Variants in SBF2 observed in about 807,000 individuals in gnomAD.
The protein encoded by SBF2 is SET binding factor 2, also known as myotubularin-related protein 13.
In SBF2, 112 loss-of-function variants were observed where a neutral mutation model predicts 225.2. The ratio of observed to expected loss-of-function variants is 0.50; its 90% CI spans 0.43 to 0.58. The LOEUF (loss-of-function observed/expected upper bound fraction) is 0.58. Ranked by LOEUF, SBF2 falls within the 20% of genes least tolerant of loss-of-function variation. The probability of loss-of-function intolerance (pLI) is 0.00; values close to 1 mark genes in which losing one functional copy is unlikely to be tolerated. For missense variants in SBF2, 1,996 were observed against 2,206.2 expected (o/e 0.90, Z 1.91); for synonymous variants, 763 against 773.3 (o/e 0.99, Z 0.22).
chr11:10,243,007 C>G (rs1959380339), intron 1 of SBF2, among the ~76,000 whole-genome samples: 1 of 152,046 alleles, frequency 6.6e-6, no homozygotes, highest in African/African-American at 2.4e-5. Context: ...ATAAAACATT[C>G]CACCCAAAAG....
intron 1 of SBF2, among the ~76,000 whole-genome samples, chr11:10,194,511 C>T (rs1957293026): frequency 6.6e-6 from 1 of 152,096 alleles, no homozygotes; most frequent in South Asian, 2.1e-4. Context: ...AATCTCTATT[C>T]TATAAACACT....
chr11:10,087,597 G>C (rs570449110), intron 2 of SBF2, among the ~76,000 whole-genome samples: 1 of 152,192 alleles, frequency 6.6e-6, no homozygotes, highest in East Asian at 1.9e-4. Flanking sequence ...TGTTTAGACA[G>C]GTTTTATCAA....
chr11:10,180,916 C>T (rs1371936424), intron 2 of SBF2, among the ~76,000 whole-genome samples: 4 of 152,104 alleles, frequency 2.6e-5, no homozygotes, highest in African/African-American at 7.2e-5. Context: ...TTCATTAGAA[C>T]ACTGTGGCTG....
chr11:10,041,665 CTCT>C (rs938682234), intron 3 of SBF2, among the ~76,000 whole-genome samples: 36 of 152,252 alleles, frequency 2.4e-4, no homozygotes, highest in African/African-American at 7.9e-4. Context: ...GGTAATTTGT[CTCT>C]TCTTGTACTC....
intron 14 of SBF2, among the ~76,000 whole-genome samples, chr11:9,965,376 C>T (rs545630444): frequency 6.7e-6 from 1 of 149,958 alleles, no homozygotes; most frequent in Admixed American, 6.7e-5. Flanking sequence ...ATCTCGGCTG[C>T]CTCCCAGGTT....
At chr11:10,149,357 A>G (rs957847558) in intron 2 of SBF2, 4 of 152,098 alleles carry the variant, frequency 2.6e-5, no homozygotes, top group Non-Finnish European at 5.9e-5. Flanking sequence ...TTGAGAGTTT[A>G]AAAACAGTCA....
chr11:10,174,417 G>C (rs376795164), intron 2 of SBF2, among the ~76,000 whole-genome samples: 28 of 152,210 alleles, frequency 1.8e-4, no homozygotes, highest in East Asian at 5.8e-4. Flanking sequence ...ATCAGCGATG[G>C]AAGATGAAGT....
intron 33 of SBF2, among the ~76,000 whole-genome samples, chr11:9,793,363 T>C (rs369667275): frequency 1.3e-5 from 2 of 152,002 alleles, no homozygotes; most frequent in East Asian, 3.9e-4. Flanking sequence ...CTTGGCAGCA[T>C]AATGGGCTCA....
At position 9,861,663 on chromosome 11, in the gene SBF2, C is replaced by CAA. The variant is rs1193095357; in HGVS notation, c.1930-3269_1930-3268dup. Among the ~76,000 whole-genome samples the CAA allele has an allele frequency of 5.7e-3, 477 of 83,370 alleles. 4 individuals are homozygous for CAA. The highest frequency in any genetic ancestry group is 0.023 in the African/African-American group (454 of 19,382). 54.7% of individuals were successfully genotyped at this position (83,370 alleles called of 152,430 possible). On this transcript the variant is annotated intron_variant, in intron 17 of 39. Coordinates refer to ENST00000256190, the MANE Select transcript of SBF2 (RefSeq NM_030962.4). ...TAGGCAACAGAGTGAGACTCCATCT[C>CAA]AAAAAAAAAAAAAAAAAAAATGTTT...
chr11:9,851,513 G>A (rs1330474339), intron 21 of SBF2, among the ~76,000 whole-genome samples: 1 of 152,066 alleles, frequency 6.6e-6, no homozygotes, highest in Non-Finnish European at 1.5e-5. Context: ...AGGAAATTCT[G>A]ACTCAGTAAC....
At chr11:10,049,095 C>A (rs1949973323) in intron 2 of SBF2, among the ~76,000 whole-genome samples, 1 of 152,126 alleles carries the variant, frequency 6.6e-6, no homozygotes. Context: ...CCAAAAAAAT[C>A]AAATCACAAG....
At chr11:10,085,142 T>A (rs1171907311) in intron 2 of SBF2, among the ~76,000 whole-genome samples, 1 of 152,236 alleles carries the variant, frequency 6.6e-6, no homozygotes, top group African/African-American at 2.4e-5. Flanking sequence ...AATTCCCAGA[T>A]TAAGAAACAA....
chr11:9,967,969 C>A (rs35315883), intron 14 of SBF2, among the ~76,000 whole-genome samples: 3,483 of 86,368 alleles, frequency 0.04, 62 homozygotes, highest in African/African-American at 0.063. Flanking sequence ...CTCTCTCTCT[C>A]TCTATATATA....
intron 17 of SBF2, among the ~76,000 whole-genome samples, chr11:9,868,337 C>CAAAA (rs35348349): frequency 8.7e-4 from 23 of 26,374 alleles, no homozygotes; most frequent in African/African-American, 1.6e-3. Flanking sequence ...TACAAAAATA[C>CAAAA]AAAAAAAAAA....
intron 1 of SBF2, among the ~76,000 whole-genome samples, chr11:10,222,874 A>G (rs886136267): frequency 1.3e-5 from 2 of 152,208 alleles, no homozygotes; most frequent in African/African-American, 4.8e-5. Flanking sequence ...AACACTAGGC[A>G]TAAATGGATT....
chr11:10,077,318 G>A (rs1414779746), intron 2 of SBF2, among the ~76,000 whole-genome samples: 1 of 151,964 alleles, frequency 6.6e-6, no homozygotes, highest in African/African-American at 2.4e-5. Flanking sequence ...AGTTCATATG[G>A]ACCCCAAAAA....
At chr11:10,255,380 C>A (rs906660900) in intron 1 of SBF2, among the ~76,000 whole-genome samples, 5 of 152,034 alleles carry the variant, frequency 3.3e-5, no homozygotes, top group African/African-American at 7.2e-5. Context: ...AAATAAAAAT[C>A]TTTAAACAAA....
chr11:10,074,493 T>C (rs1005970631), intron 2 of SBF2, among the ~76,000 whole-genome samples: 3 of 152,070 alleles, frequency 2.0e-5, no homozygotes, highest in African/African-American at 7.3e-5. Context: ...CTCTCACATG[T>C]GACTGACTGA....
chr11:9,935,369 G>C (rs1230081562), intron 16 of SBF2, among the ~76,000 whole-genome samples: 1 of 152,024 alleles, frequency 6.6e-6, no homozygotes, highest in East Asian at 1.9e-4. Flanking sequence ...CGTGAAAATG[G>C]CCATACTGCC....
Sources: allele counts gnomAD v4.1 joint callset (sites outside exome capture counted in the v4.1 genomes callset), GRCh38; gene constraint gnomAD v4.1.1; transcripts MANE v1.5; gene names NCBI Gene and HGNC (gene_info 2026-07-23, HGNC 2026-07-21).